Variants in SUPT3H observed in about 807,000 individuals in gnomAD.
SUPT3H encodes transcription initiation protein SPT3 homolog.
A neutral mutation model predicts 44.3 loss-of-function variants in SUPT3H; 44 were observed. That is an observed-to-expected ratio of 0.99 (90% confidence interval 0.78 to 1.28). The LOEUF (loss-of-function observed/expected upper bound fraction) is 1.28, where lower values mean the gene tolerates loss of function less well. SUPT3H is among the 50% of genes most tolerant of loss of function. The pLI, the probability that SUPT3H is intolerant of heterozygous loss-of-function variation, is 0.00. For missense variants in SUPT3H, 380 were observed against 387.1 expected (o/e 0.98, Z 0.15); for synonymous variants, 124 against 125.6 (o/e 0.99, Z 0.09).
chr6:45,209,948 A>G (rs1763817107), intron 2 of SUPT3H, among the ~76,000 whole-genome samples: 1 of 152,210 alleles, frequency 6.6e-6, no homozygotes. Context: ...TGACACATTG[A>G]AGGTTCAGAC....
chr6:44,815,567 C>A (rs1186556199), intron 11 of SUPT3H, among the ~76,000 whole-genome samples: 1 of 152,054 alleles, frequency 6.6e-6, no homozygotes, highest in East Asian at 1.9e-4. Flanking sequence ...ACATGACATA[C>A]TGTCAGGGGT....
intron 2 of SUPT3H, among the ~76,000 whole-genome samples, chr6:45,173,700 C>T (rs1418277152): frequency 6.6e-6 from 1 of 152,144 alleles, no homozygotes; most frequent in Non-Finnish European, 1.5e-5. Context: ...TTGGGGAGAA[C>T]TTATCAGCAT....
chr6:45,181,426 T>C (rs889026737), intron 2 of SUPT3H, among the ~76,000 whole-genome samples: 12 of 152,194 alleles, frequency 7.9e-5, no homozygotes, highest in African/African-American at 9.6e-5. Context: ...CATATGTTTA[T>C]TGCGGCATTA....
chr6:44,961,697 A>G (rs1776047772), intron 7 of SUPT3H, 56 bp downstream of exon 7: 5 of 1,346,852 alleles, frequency 3.7e-6, no homozygotes, highest in Admixed American at 1.9e-5. Context: ...ACTTTAGTAC[A>G]TCTATAACAC....
At chr6:45,110,817 A>G (rs1353832174) in intron 2 of SUPT3H, among the ~76,000 whole-genome samples, 1 of 152,158 alleles carries the variant, frequency 6.6e-6, no homozygotes, top group East Asian at 1.9e-4. Context: ...TCACATCTAC[A>G]TATCCCCAGC....
chr6:45,016,493 C>T (rs1467350741), intron 4 of SUPT3H, among the ~76,000 whole-genome samples: 1 of 100,074 alleles, frequency 1.0e-5, no homozygotes, highest in African/African-American at 3.9e-5. Context: ...ACCCTCCCCC[C>T]TCCCCCCACC....
intron 2 of SUPT3H, among the ~76,000 whole-genome samples, chr6:45,356,234 T>C (rs1793143502): frequency 6.6e-6 from 1 of 152,118 alleles, no homozygotes; most frequent in Non-Finnish European, 1.5e-5. Flanking sequence ...TTTTAAAATC[T>C]ACATAGGTGT....
At chr6:45,276,841 G>C (rs1238571143) in intron 2 of SUPT3H, among the ~76,000 whole-genome samples, 1 of 152,148 alleles carries the variant, frequency 6.6e-6, no homozygotes, top group Non-Finnish European at 1.5e-5. Context: ...GCATGCCACA[G>C]AGACTTTGAA....
chr6:45,125,540 T>A (rs151148774), intron 2 of SUPT3H, among the ~76,000 whole-genome samples: 1 of 152,190 alleles, frequency 6.6e-6, no homozygotes, highest in Non-Finnish European at 1.5e-5. Context: ...CATTCTAAAG[T>A]ACCATTTTCA....
intron 2 of SUPT3H, among the ~76,000 whole-genome samples, chr6:45,233,852 C>T (rs1468944318): frequency 6.6e-6 from 1 of 152,148 alleles, no homozygotes; most frequent in African/African-American, 2.4e-5. Flanking sequence ...AAAATCTTTC[C>T]CTTTCTATTA....
chr6:45,333,049 A>G (rs1787829711), intron 2 of SUPT3H, among the ~76,000 whole-genome samples: 1 of 151,708 alleles, frequency 6.6e-6, no homozygotes, highest in African/African-American at 2.4e-5. Flanking sequence ...TCTAAATAAT[A>G]AAATATTCTA....
chr6:44,860,079 T>C (rs1175587122), intron 10 of SUPT3H, among the ~76,000 whole-genome samples: 1 of 152,204 alleles, frequency 6.6e-6, no homozygotes, highest in Non-Finnish European at 1.5e-5. Context: ...CAGCTCTTCA[T>C]AAACACTCTT....
At chr6:45,344,032 A>T (rs942015285) in intron 2 of SUPT3H, among the ~76,000 whole-genome samples, 9 of 152,190 alleles carry the variant, frequency 5.9e-5, no homozygotes, top group Non-Finnish European at 1.2e-4. Flanking sequence ...ATGACTACTA[A>T]TTGAATAAAA....
At chr6:45,029,880 T>G (rs961269263) in intron 3 of SUPT3H, among the ~76,000 whole-genome samples, 2 of 152,202 alleles carry the variant, frequency 1.3e-5, no homozygotes, top group African/African-American at 2.4e-5. Context: ...TCCTCCCACC[T>G]CAGCCTCCTG....
intron 6 of SUPT3H, among the ~76,000 whole-genome samples, chr6:44,994,998 CATT>C (rs1448630016): frequency 1.3e-5 from 2 of 151,868 alleles, no homozygotes; most frequent in Admixed American, 6.6e-5. Context: ...ACTTTTACAT[CATT>C]ATTACTGCTC....
intron 3 of SUPT3H, among the ~76,000 whole-genome samples, chr6:45,042,054 A>G (rs1788614964): frequency 2.0e-5 from 3 of 152,224 alleles, no homozygotes; most frequent in Admixed American, 2.0e-4. Context: ...CAGATACAGT[A>G]TGGCATAGAA....
At chr6:45,100,061 A>C (rs1012094186) in intron 3 of SUPT3H, among the ~76,000 whole-genome samples, 1 of 152,126 alleles carries the variant, frequency 6.6e-6, no homozygotes, top group Non-Finnish European at 1.5e-5. Context: ...CTAGACCCCT[A>C]TCTCTCACCA....
Position 44,961,795 on chromosome 6 carries a change from C to G in SUPT3H, c.538G>C (p.Ala180Pro), listed in dbSNP as rs779500336. The change falls in exon 7 of 11, where the codon GCT (alanine) becomes CCT (proline). Residue 180 changes from alanine (A) to proline (P), a missense_variant. Ala to Pro is a conservative substitution (Grantham distance 27). Transcript: ENST00000371459. ...AERQTRIMDS[A>P]QYAEFCESRQ... ...CTTTCACAGAATTCTGCATATTGAG[C>G]TGAATCCATAATTCGAGTTTGTCTT... The G allele has an allele frequency of 1.2e-6, 2 of 1,605,138 alleles. No individual in the cohort carries two copies. Among genetic ancestry groups the G allele is most frequent in the South Asian group, 2.3e-5 (2 of 88,510 alleles).
At chr6:45,024,172 A>G (rs1341191844) in intron 3 of SUPT3H, among the ~76,000 whole-genome samples, 1 of 152,192 alleles carries the variant, frequency 6.6e-6, no homozygotes, top group Non-Finnish European at 1.5e-5. Flanking sequence ...AAAACTCCCT[A>G]AAATATTAAA....
Sources: gnomAD v4.1 joint callset for allele counts (sites outside exome capture counted in the v4.1 genomes callset) on GRCh38, gnomAD v4.1.1 for gene constraint, MANE v1.5 for transcripts, NCBI Gene and HGNC (gene_info 2026-07-23, HGNC 2026-07-21) for gene names.